Variants in RAB40C observed in about 807,000 individuals in gnomAD.
The protein encoded by RAB40C is ras-related protein Rab-40C.
In RAB40C, 8 loss-of-function variants were observed where a neutral mutation model predicts 28.1. The observed-to-expected ratio is 0.28, with a 90% confidence interval of 0.17 to 0.51. RAB40C has a LOEUF of 0.51. Among genes scored for constraint, RAB40C ranks in the 20% least tolerant of loss-of-function variants. RAB40C has a pLI of 0.97. For synonymous variants in RAB40C, 201 were observed against 171.7 expected, an observed-to-expected ratio of 1.17 and a Z score of -1.34; for missense variants, 288 against 405.9, an observed-to-expected ratio of 0.71 and a Z score of 2.50.
intron 1 of RAB40C, among the ~76,000 whole-genome samples, chr16:616,031 G>A (rs1156320596): frequency 6.6e-6 from 1 of 152,142 alleles, no homozygotes; most frequent in East Asian, 1.9e-4. Context: ...GCTGAGGCGG[G>A]TGGATCATGA....
intron 3 of RAB40C, among the ~76,000 whole-genome samples, chr16:619,221 G>T (rs1190714290): frequency 2.0e-5 from 3 of 146,426 alleles, no homozygotes; most frequent in African/African-American, 2.5e-5. Flanking sequence ...GTGCAGGCAT[G>T]TGCACAGGTC....
At chr16:600,107 T>G (rs1023613294) in intron 1 of RAB40C, among the ~76,000 whole-genome samples, 12 of 152,230 alleles carry the variant, frequency 7.9e-5, no homozygotes, top group Non-Finnish European at 1.3e-4. Context: ...CTTTCCTGTT[T>G]GGTTTGGGAC....
At chr16:593,915 A>G (rs1234931058) in intron 1 of RAB40C, among the ~76,000 whole-genome samples, 4 of 152,174 alleles carry the variant, frequency 2.6e-5, no homozygotes, top group Non-Finnish European at 5.9e-5. Context: ...CCCGGCAGGA[A>G]TTATGCTTCA....
intron 1 of RAB40C, among the ~76,000 whole-genome samples, chr16:596,129 G>A (rs185966330): frequency 6.6e-6 from 1 of 152,396 alleles, no homozygotes; most frequent in Non-Finnish European, 1.5e-5. Context: ...TGCCAGCCAG[G>A]TCTCTCGCAG....
At chr16:615,535 T>C (rs2036568949) in intron 1 of RAB40C, among the ~76,000 whole-genome samples, 1 of 152,246 alleles carries the variant, frequency 6.6e-6, no homozygotes, top group African/African-American at 2.4e-5. Flanking sequence ...GGTAGAAGCT[T>C]CTGGAAAGTT....
chr16:624,911 G>A (rs2036795399), intron 3 of RAB40C: 1 of 1,282,256 alleles, frequency 7.8e-7, no homozygotes, highest in Non-Finnish European at 1.0e-6. Context: ...AAGGGATGTG[G>A]CAAAAAGTCC....
chr16:627,784 C>A lies in RAB40C; in HGVS notation c.*162C>A. On this transcript the variant is annotated 3_prime_UTR_variant, in exon 6 of 6. Coordinates refer to ENST00000248139, the MANE Select transcript of RAB40C (RefSeq NM_021168.5). Reference sequence around the variant, plus strand: ...TGAGCCGGGTGCGAGGAGGAGCATGCACGGACCAAGCGCGGCAGGCGGGAG... The same window carrying A: ...TGAGCCGGGTGCGAGGAGGAGCATGAACGGACCAAGCGCGGCAGGCGGGAG... 1 of 896,442 alleles carries A rather than the reference C, an allele frequency of 1.1e-6. No individual in the cohort carries two copies. The highest frequency in any genetic ancestry group is 3.0e-5 in the East Asian group (1 of 33,720). 55.5% of individuals were successfully genotyped at this position (896,442 alleles called of 1,614,324 possible). A position where few individuals can be genotyped will look rare whatever the true frequency, so the allele number is the denominator to read the frequency against.
At chr16:615,668 T>C (rs1487951571) in intron 1 of RAB40C, among the ~76,000 whole-genome samples, 2 of 152,110 alleles carry the variant, frequency 1.3e-5, no homozygotes, top group Non-Finnish European at 2.9e-5. Flanking sequence ...TAAAAAGTAA[T>C]GATGTGATGT....
chr16:614,892 C>T (rs1190980518), intron 1 of RAB40C, among the ~76,000 whole-genome samples: 1 of 152,232 alleles, frequency 6.6e-6, no homozygotes, highest in Non-Finnish European at 1.5e-5. Context: ...TTACCTCGTC[C>T]CGATAGTGAA....
At chr16:616,154 G>T (rs1381135292) in intron 1 of RAB40C, among the ~76,000 whole-genome samples, 1 of 151,408 alleles carries the variant, frequency 6.6e-6, no homozygotes, top group African/African-American at 2.4e-5. Context: ...TACTCAGCAG[G>T]CTGAGGCTAG....
intron 2 of RAB40C, among the ~76,000 whole-genome samples, chr16:617,476 C>A (rs903259143): frequency 6.6e-6 from 1 of 152,248 alleles, no homozygotes; most frequent in Admixed American, 6.5e-5. Context: ...CGCGGCTCCC[C>A]TCCTGCCCCG....
intron 1 of RAB40C, among the ~76,000 whole-genome samples, chr16:591,410 C>T (rs993056897): frequency 6.6e-5 from 10 of 152,114 alleles, no homozygotes; most frequent in African/African-American, 2.4e-4. Context: ...GGTCTGGTGG[C>T]AGGTGCTGCT....
intron 3 of RAB40C, among the ~76,000 whole-genome samples, chr16:619,479 C>T (rs2036666129): frequency 6.6e-6 from 1 of 152,204 alleles, no homozygotes; most frequent in Non-Finnish European, 1.5e-5. Context: ...GATCTGCTGG[C>T]GAATGTGAGG....
At position 627,636 on chromosome 16, in the gene RAB40C, G is replaced by T; in HGVS notation, c.*14G>T. Reference sequence around the variant, plus strand: ...AAGATCTCCTAGCGGGGATGGGCGGGGCCGCCTGTGCAGATGCCAGGAGGG... The same window carrying T: ...AAGATCTCCTAGCGGGGATGGGCGGTGCCGCCTGTGCAGATGCCAGGAGGG... On this transcript the variant is annotated 3_prime_UTR_variant, in exon 6 of 6. Coordinates refer to ENST00000248139, the MANE Select transcript of RAB40C (RefSeq NM_021168.5). 6.4e-7 allele frequency: 1 copy of T among 1,560,564 alleles called. No homozygotes were observed. The highest frequency in any genetic ancestry group is 8.7e-7 in the Non-Finnish European group (1 of 1,151,022).
chr16:614,893 C>T (rs970724071), intron 1 of RAB40C, among the ~76,000 whole-genome samples: 5 of 152,224 alleles, frequency 3.3e-5, no homozygotes, highest in Admixed American at 6.5e-5. Flanking sequence ...TACCTCGTCC[C>T]GATAGTGAAC....
chr16:608,161 C>T (rs1034227413), intron 1 of RAB40C, among the ~76,000 whole-genome samples: 1 of 152,210 alleles, frequency 6.6e-6, no homozygotes, highest in African/African-American at 2.4e-5. Flanking sequence ...AGGAAATTTA[C>T]AGTCATGGCG....
At chr16:611,291 G>A (rs543540783) in intron 1 of RAB40C, among the ~76,000 whole-genome samples, 127 of 152,340 alleles carry the variant, frequency 8.3e-4, no homozygotes, top group South Asian at 8.3e-3. Context: ...GCCTAGGGGA[G>A]TCCCCGGGCC....
At chr16:624,963 G>C in intron 3 of RAB40C, 1 of 1,289,266 alleles carries the variant, frequency 7.8e-7, no homozygotes, top group Non-Finnish European at 1.0e-6. Context: ...GAGCTTCACA[G>C]AAACTGTCCT....
At chr16:624,614 C>A in intron 3 of RAB40C, 1 of 985,382 alleles carries the variant, frequency 1.0e-6, no homozygotes, top group Non-Finnish European at 1.2e-6. Flanking sequence ...TCAGCCTCAG[C>A]CTCTTGTGTG....
Sources: allele counts gnomAD v4.1 joint callset (sites outside exome capture counted in the v4.1 genomes callset), GRCh38; gene constraint gnomAD v4.1.1; transcripts MANE v1.5; gene names NCBI Gene and HGNC (gene_info 2026-07-23, HGNC 2026-07-21).